Variants in NAALADL2 observed in about 807,000 individuals in gnomAD.
The protein encoded by NAALADL2 is N-acetylated alpha-linked acidic dipeptidase like 2.
In NAALADL2, 76 loss-of-function variants were observed where a neutral mutation model predicts 87.2. That is an observed-to-expected ratio of 0.87 (90% CI 0.72 to 1.05). NAALADL2 has a LOEUF of 1.05. Among genes scored for constraint, NAALADL2 ranks in the 50% least tolerant of loss-of-function variants. NAALADL2 has a pLI of 0.00. For synonymous variants in NAALADL2, 354 were observed against 331.0 expected (o/e 1.07, Z -0.75); for missense variants, 1,089 against 945.8 (o/e 1.15, Z -1.99).
intron 11 of NAALADL2, among the ~76,000 whole-genome samples, chr3:175,732,459 T>C (rs755703524): frequency 3.3e-5 from 5 of 152,132 alleles, no homozygotes; most frequent in Non-Finnish European, 5.9e-5. Flanking sequence ...ATTTGAATCA[T>C]CCTTAGAGGC....
At chr3:175,491,708 C>G (rs548256573) in intron 9 of NAALADL2, among the ~76,000 whole-genome samples, 1 of 152,230 alleles carries the variant, frequency 6.6e-6, no homozygotes, top group East Asian at 1.9e-4. Flanking sequence ...AACTGGTAGG[C>G]CATGCCACCC....
At chr3:175,474,263 A>G (rs1022284988) in intron 9 of NAALADL2, among the ~76,000 whole-genome samples, 2 of 152,194 alleles carry the variant, frequency 1.3e-5, no homozygotes, top group Admixed American at 6.6e-5. Context: ...AAGTTCATAT[A>G]ATAGATTTAA....
At chr3:175,136,360 G>T (rs1458471484) in intron 2 of NAALADL2, among the ~76,000 whole-genome samples, 1 of 152,132 alleles carries the variant, frequency 6.6e-6, no homozygotes, top group Non-Finnish European at 1.5e-5. Context: ...AGCTTAAATG[G>T]TCATTGGACA....
chr3:175,374,604 G>C (rs193198095), intron 5 of NAALADL2, among the ~76,000 whole-genome samples: 1 of 148,938 alleles, frequency 6.7e-6, no homozygotes, highest in African/African-American at 2.5e-5. Flanking sequence ...TATAGGCCAG[G>C]TGTGGTGGCT....
chr3:174,725,137 C>G (rs750694338), intron 2 of NAALADL2, among the ~76,000 whole-genome samples: 13 of 152,180 alleles, frequency 8.5e-5, no homozygotes, highest in Non-Finnish European at 1.5e-4. Context: ...TAAGACATGT[C>G]CCTTGTAGGT....
chr3:174,721,643 T>C (rs934215479), intron 2 of NAALADL2, among the ~76,000 whole-genome samples: 3 of 152,182 alleles, frequency 2.0e-5, no homozygotes, highest in African/African-American at 7.2e-5. Context: ...GAAACAACTA[T>C]GTAAGCTAAT....
At chr3:175,563,326 TACTG>T (rs1480069558) in intron 9 of NAALADL2, among the ~76,000 whole-genome samples, 1 of 152,192 alleles carries the variant, frequency 6.6e-6, no homozygotes, top group African/African-American at 2.4e-5. Context: ...TGTACACACT[TACTG>T]ACTTCCTACA....
At chr3:174,951,673 C>T (rs1166471296) in intron 1 of NAALADL2, among the ~76,000 whole-genome samples, 1 of 152,080 alleles carries the variant, frequency 6.6e-6, no homozygotes, top group Non-Finnish European at 1.5e-5. Context: ...TAGACGCCTT[C>T]AACTTTAAAT....
At chr3:174,827,714 A>G (rs919316713) in intron 3 of NAALADL2, among the ~76,000 whole-genome samples, 2 of 152,224 alleles carry the variant, frequency 1.3e-5, no homozygotes, top group African/African-American at 2.4e-5. Flanking sequence ...ACAGCCTACC[A>G]TCACTCGACA....
At chr3:175,464,913 C>T (rs1019988352) in intron 7 of NAALADL2, among the ~76,000 whole-genome samples, 7 of 152,128 alleles carry the variant, frequency 4.6e-5, no homozygotes, top group Non-Finnish European at 8.8e-5. Flanking sequence ...ATCACTGATA[C>T]ATTCGCAAGT....
At chr3:174,640,364 G>A (rs1363563175) in intron 2 of NAALADL2, among the ~76,000 whole-genome samples, 1 of 152,132 alleles carries the variant, frequency 6.6e-6, no homozygotes, top group African/African-American at 2.4e-5. Context: ...AGGGAATCCT[G>A]GTAAAATGTG....
intron 11 of NAALADL2, among the ~76,000 whole-genome samples, chr3:175,631,735 C>T (rs1201625205): frequency 1.3e-5 from 2 of 151,850 alleles, no homozygotes; most frequent in Non-Finnish European, 2.9e-5. Context: ...AATTAAATGC[C>T]AATGTAAATC....
chr3:175,604,181 T>A (rs1723346918), intron 10 of NAALADL2, among the ~76,000 whole-genome samples: 1 of 152,162 alleles, frequency 6.6e-6, no homozygotes, highest in Admixed American at 6.5e-5. Context: ...AGGGTTCCAA[T>A]GTCTCCATAG....
At chr3:174,910,613 C>T (rs901886507) in intron 1 of NAALADL2, among the ~76,000 whole-genome samples, 2 of 152,094 alleles carry the variant, frequency 1.3e-5, no homozygotes, top group South Asian at 4.1e-4. Flanking sequence ...ATATCCAGTC[C>T]TGCAGTCCAG....
chr3:175,730,424 A>ATG (rs1179353813), intron 11 of NAALADL2, among the ~76,000 whole-genome samples: 2 of 100,116 alleles, frequency 2.0e-5, no homozygotes, highest in Non-Finnish European at 4.5e-5. Flanking sequence ...ATATATATAT[A>ATG]TATATATATA....
At chr3:174,612,441 C>G (rs988271011) in intron 2 of NAALADL2, among the ~76,000 whole-genome samples, 4 of 152,060 alleles carry the variant, frequency 2.6e-5, no homozygotes, top group African/African-American at 9.7e-5. Context: ...CTTTTGAAGA[C>G]TATTTTCTAG....
intron 4 of NAALADL2, among the ~76,000 whole-genome samples, chr3:175,260,763 CT>C (rs1336378131): frequency 6.6e-6 from 1 of 152,064 alleles, no homozygotes; most frequent in Middle Eastern, 3.2e-3. Context: ...GGGAGGGAAT[CT>C]CTACATCCGA....
chr3:174,611,547 TTACTA>T (rs1578313155), intron 2 of NAALADL2, among the ~76,000 whole-genome samples: 1 of 152,106 alleles, frequency 6.6e-6, no homozygotes, highest in African/African-American at 2.4e-5. Flanking sequence ...TTCTGTGCAC[TTACTA>T]TTGCCCATGA....
intron 5 of NAALADL2, among the ~76,000 whole-genome samples, chr3:175,391,807 T>A (rs1213848487): frequency 6.6e-6 from 1 of 152,152 alleles, no homozygotes; most frequent in Non-Finnish European, 1.5e-5. Flanking sequence ...ATTCCCCAAA[T>A]AACTGCATAA....
Sources: allele counts gnomAD v4.1 joint callset (sites outside exome capture counted in the v4.1 genomes callset), GRCh38; gene constraint gnomAD v4.1.1; transcripts MANE v1.5; gene names NCBI Gene and HGNC (gene_info 2026-07-23, HGNC 2026-07-21).